The following FSTL4 variants were observed in gnomAD, a reference collection of about 807,000 sequenced individuals.
FSTL4 encodes follistatin like 4.
A neutral mutation model predicts 78.2 loss-of-function variants in FSTL4; 28 were observed. The ratio of observed to expected loss-of-function variants is 0.36; its 90% CI spans 0.27 to 0.49. The LOEUF (loss-of-function observed/expected upper bound fraction) is 0.49. Ranked by LOEUF, FSTL4 falls within the 20% of genes least tolerant of loss-of-function variation. The probability of loss-of-function intolerance (pLI) is 0.98; values close to 1 mark genes in which losing one functional copy is unlikely to be tolerated. For missense variants in FSTL4, 922 were observed against 1,084.9 expected, an observed-to-expected ratio of 0.85 and a Z score of 2.11; for synonymous variants, 422 against 440.5, an observed-to-expected ratio of 0.96 and a Z score of 0.53.
chr5:133,641,782 T>C, the FSTL4 span, among the ~76,000 whole-genome samples: 20 of 152,320 alleles, frequency 1.3e-4, no homozygotes, highest in African/African-American at 4.8e-4. Flanking sequence ...CTTGTACTTG[T>C]AGAAGACTAT....
chr5:133,589,694 G>A (rs1760584289), intron 2 of FSTL4, among the ~76,000 whole-genome samples: 1 of 152,138 alleles, frequency 6.6e-6, no homozygotes, highest in South Asian at 2.1e-4. Flanking sequence ...TCCAGGAGGA[G>A]GGGATGCCTC....
intron 4 of FSTL4, among the ~76,000 whole-genome samples, chr5:133,372,249 G>GTATC (rs1386103768): frequency 0.33 from 45,418 of 135,690 alleles, 7,668 homozygotes; most frequent in Admixed American, 0.45. Flanking sequence ...ATGTATCTAT[G>GTATC]TATGTATGTA....
chr5:133,266,380 A>C (rs1163171562), intron 6 of FSTL4, among the ~76,000 whole-genome samples: 3 of 152,244 alleles, frequency 2.0e-5, no homozygotes, highest in African/African-American at 7.2e-5. Context: ...CTCCTTGTAC[A>C]CGCAGGGCAA....
chr5:133,648,857 T>C, the FSTL4 span, among the ~76,000 whole-genome samples: 1 of 152,208 alleles, frequency 6.6e-6, no homozygotes, highest in Non-Finnish European at 1.5e-5. Context: ...TCAATGACTC[T>C]ACATTGACTC....
chr5:133,703,984 G>A, the FSTL4 span, among the ~76,000 whole-genome samples: 1 of 152,154 alleles, frequency 6.6e-6, no homozygotes, highest in Admixed American at 6.5e-5. Flanking sequence ...AGGAAAATTG[G>A]TGTGTTCAAA....
chr5:133,838,555 T>C, the FSTL4 span, among the ~76,000 whole-genome samples: 1 of 152,222 alleles, frequency 6.6e-6, no homozygotes, highest in Admixed American at 6.5e-5. Flanking sequence ...CACTCGCATG[T>C]CTGGTACCCA....
chr5:133,210,199 T>G lies in FSTL4; in HGVS notation c.1708A>C (p.Ser570Arg). The G allele has an allele frequency of 1.9e-6, 3 of 1,583,446 alleles. No individual in the cohort carries two copies. Among genetic ancestry groups the G allele is most frequent in the Non-Finnish European group, 2.6e-6 (3 of 1,152,052 alleles). The change falls in exon 14 of 16, where the codon AGT (serine) becomes CGT (arginine). Residue 570 changes from serine to arginine, a missense_variant. Transcript: ENST00000265342. ...CCATGTGCTCAACATACCTGGAGAC[T>G]TGGTCGGGACTTGTGCACGTCCCCC... Reference protein sequence around the residue: ...SWGDVHKSRPSLQVITEASTG... With the variant: ...SWGDVHKSRPRLQVITEASTG...
At chr5:133,794,464 G>T in the FSTL4 span, among the ~76,000 whole-genome samples, 5 of 152,212 alleles carry the variant, frequency 3.3e-5, no homozygotes, top group Admixed American at 3.3e-4. Context: ...GGGCAGGAAA[G>T]CCTGGGTTCT....
chr5:133,312,892 G>C, intron 5 of FSTL4, 115 bp from the exon 6 acceptor site: 1 of 869,374 alleles, frequency 1.2e-6, no homozygotes, highest in East Asian at 2.6e-5. Flanking sequence ...GGCCTTGAGG[G>C]GTACCTGAAG....
the FSTL4 span, among the ~76,000 whole-genome samples, chr5:133,774,287 G>C: frequency 2.6e-5 from 4 of 152,114 alleles, no homozygotes; most frequent in South Asian, 4.2e-4. Context: ...CTTTGCCAGG[G>C]CTCTTAGGCT....
At chr5:133,776,998 T>C in the FSTL4 span, among the ~76,000 whole-genome samples, 1 of 152,090 alleles carries the variant, frequency 6.6e-6, no homozygotes, top group Non-Finnish European at 1.5e-5. Flanking sequence ...AGATAGTACC[T>C]CAGCTTCCCA....
the FSTL4 span, among the ~76,000 whole-genome samples, chr5:133,728,601 ACT>A: frequency 6.6e-6 from 1 of 152,080 alleles, no homozygotes; most frequent in Non-Finnish European, 1.5e-5. Context: ...CTGAAGGAAA[ACT>A]CTTTTGTTTA....
At chr5:133,286,541 G>A (rs1164768164) in intron 6 of FSTL4, among the ~76,000 whole-genome samples, 1 of 152,116 alleles carries the variant, frequency 6.6e-6, no homozygotes, top group East Asian at 1.9e-4. Flanking sequence ...ATAGGCTATG[G>A]TTCAAAAGGC....
chr5:133,753,396 C>T, the FSTL4 span, among the ~76,000 whole-genome samples: 5 of 152,190 alleles, frequency 3.3e-5, no homozygotes, highest in African/African-American at 4.8e-5. Context: ...ATCACTGATG[C>T]TTGTTCTCCC....
intron 4 of FSTL4, among the ~76,000 whole-genome samples, chr5:133,330,455 C>T (rs1040434796): frequency 6.6e-6 from 1 of 152,106 alleles, no homozygotes; most frequent in African/African-American, 2.4e-5. Flanking sequence ...AGATGCCACA[C>T]CCTTTTAAAC....
the FSTL4 span, among the ~76,000 whole-genome samples, chr5:133,775,352 T>C: frequency 6.6e-6 from 1 of 152,206 alleles, no homozygotes. Flanking sequence ...GCCTTCCCAG[T>C]AAGCCCTGGC....
chr5:133,745,877 G>A, the FSTL4 span, among the ~76,000 whole-genome samples: 243 of 152,282 alleles, frequency 1.6e-3, 4 homozygotes, highest in East Asian at 0.033. Context: ...TTGCTTTTGC[G>A]TCCCCCTCAC....
the FSTL4 span, among the ~76,000 whole-genome samples, chr5:133,696,778 A>G: frequency 5.3e-5 from 8 of 152,236 alleles, no homozygotes; most frequent in Non-Finnish European, 7.3e-5. Context: ...AGACACCCAC[A>G]GCCTCTGTGT....
intron 4 of FSTL4, among the ~76,000 whole-genome samples, chr5:133,348,557 C>T (rs764304648): frequency 1.3e-5 from 2 of 152,224 alleles, no homozygotes; most frequent in Non-Finnish European, 2.9e-5. Context: ...CTGTGAGAGC[C>T]CCCAAGTCTG....
Sources: gnomAD v4.1 joint callset for allele counts (sites outside exome capture counted in the v4.1 genomes callset) on GRCh38, gnomAD v4.1.1 for gene constraint, MANE v1.5 for transcripts, NCBI Gene and HGNC (gene_info 2026-07-23, HGNC 2026-07-21) for gene names.